Variants in ZCWPW2 observed in about 807,000 individuals in gnomAD.
The protein encoded by ZCWPW2 is zinc finger CW-type and PWWP domain containing 2.
In ZCWPW2, 45 loss-of-function variants were observed where a neutral mutation model predicts 46.6. The observed-to-expected ratio is 0.96, with a 90% CI of 0.76 to 1.24. ZCWPW2 has a LOEUF of 1.24. Among genes scored for constraint, ZCWPW2 ranks in the 50% most tolerant of loss-of-function variants. The pLI is 0.00. For synonymous variants in ZCWPW2, 152 were observed against 137.1 expected (o/e 1.11, Z -0.76); for missense variants, 429 against 403.9 (o/e 1.06, Z -0.53).
chr3:28,501,678 A>G (rs1449583560), intron 6 of ZCWPW2, among the ~76,000 whole-genome samples: 1 of 152,188 alleles, frequency 6.6e-6, no homozygotes, highest in Non-Finnish European at 1.5e-5. Flanking sequence ...CCTTACCCAG[A>G]AAGTTTCCTC....
chr3:28,488,971 G>C (rs1699703174), intron 5 of ZCWPW2, among the ~76,000 whole-genome samples: 1 of 152,120 alleles, frequency 6.6e-6, no homozygotes, highest in Non-Finnish European at 1.5e-5. Context: ...TATTACATAA[G>C]AATTTTCCTT....
chr3:28,454,294 T>C (rs1273208281), intron 4 of ZCWPW2, among the ~76,000 whole-genome samples: 2 of 152,298 alleles, frequency 1.3e-5, no homozygotes, highest in East Asian at 1.9e-4. Context: ...GCAGGACTTA[T>C]GTAGGGAGTA....
Position 28,512,965 on chromosome 3 carries a change from G to T in ZCWPW2, c.658-1099G>T, listed in dbSNP as rs373020687. ...ATCATAAATGTAGATAAAATTAGATGAATTTTTATAAAATGAGCATTCCCC... is the reference window on the plus strand; with the variant it reads ...ATCATAAATGTAGATAAAATTAGATTAATTTTTATAAAATGAGCATTCCCC... On this transcript the variant is annotated intron_variant, in intron 6 of 9. Coordinates refer to ENST00000383768, the MANE Select transcript of ZCWPW2 (RefSeq NM_001040432.4). Among the ~76,000 whole-genome samples the T allele has an allele frequency of 7.2e-5, 11 of 152,104 alleles. No homozygotes were observed. In the East Asian group the frequency reaches 1.7e-3, roughly 24 times the overall value.
chr3:28,480,943 G>T (rs1699407195), intron 5 of ZCWPW2, among the ~76,000 whole-genome samples: 1 of 143,860 alleles, frequency 7.0e-6, no homozygotes, highest in Non-Finnish European at 1.5e-5. Context: ...TCAGCTCACT[G>T]CAAGCTCCAC....
chr3:28,426,910 T>G (rs1385386847), intron 3 of ZCWPW2, among the ~76,000 whole-genome samples: 1 of 152,198 alleles, frequency 6.6e-6, no homozygotes, highest in African/African-American at 2.4e-5. Context: ...GGGGCAATAA[T>G]TGTCTTATTA....
chr3:28,504,646 C>T (rs574782104), intron 6 of ZCWPW2, among the ~76,000 whole-genome samples: 12 of 152,306 alleles, frequency 7.9e-5, no homozygotes, highest in African/African-American at 2.9e-4. Context: ...TCCCTAAAAA[C>T]AGTATGTTCT....
At chr3:28,480,637 A>T (rs13064600) in intron 5 of ZCWPW2, among the ~76,000 whole-genome samples, 55,190 of 151,922 alleles carry the variant, frequency 0.36, 10,991 homozygotes, top group East Asian at 0.62. Flanking sequence ...TGGTGTCTTC[A>T]TTGTGAAATC....
In ZCWPW2 at chr3:28,435,155, A is replaced by T. The variant is rs765480530; in HGVS notation, c.378A>T (p.Val126=). ...CTGACCGTTTTAAAGGGAAATATGT[A>T]ACTTATGACCCGGATGGAAATGTTG... is the stretch of plus-strand genomic sequence containing the variant. ...LCPDRFKGKY[V]TYDPDGNVEE... is the part of the protein sequence containing the mutation. The change falls in exon 4 of 10, where the codon GTA becomes GTT. Residue 126 remains valine, a synonymous_variant. Coordinates refer to ENST00000383768, the MANE Select transcript of ZCWPW2 (RefSeq NM_001040432.4). The T allele has an allele frequency of 2.6e-5, 42 of 1,613,154 alleles. No homozygotes were observed. The highest frequency in any genetic ancestry group is 2.7e-5 in the Non-Finnish European group (32 of 1,179,862).
intron 1 of ZCWPW2, among the ~76,000 whole-genome samples, chr3:28,352,102 C>A (rs1469999293): frequency 6.7e-6 from 1 of 149,790 alleles, no homozygotes; most frequent in African/African-American, 2.5e-5. Context: ...CCTTACCCCT[C>A]CTTTCCCTCT....
chr3:28,522,390 T>G (rs968884165), intron 9 of ZCWPW2, among the ~76,000 whole-genome samples: 1 of 152,176 alleles, frequency 6.6e-6, no homozygotes, highest in Non-Finnish European at 1.5e-5. Flanking sequence ...ATTTTCTTAC[T>G]TCATCTCTCT....
intron 4 of ZCWPW2, among the ~76,000 whole-genome samples, chr3:28,469,488 T>TA (rs1030326508): frequency 1.3e-5 from 2 of 151,864 alleles, no homozygotes; most frequent in Non-Finnish European, 2.9e-5. Flanking sequence ...ACTTCACTTA[T>TA]AAAGACACAG....
chr3:28,462,742 C>A (rs1698686385), intron 4 of ZCWPW2, among the ~76,000 whole-genome samples: 1 of 152,174 alleles, frequency 6.6e-6, no homozygotes, highest in African/African-American at 2.4e-5. Flanking sequence ...TGAATTTCTG[C>A]CAGATTGCAA....
At chr3:28,477,604 A>G (rs1699277584) in intron 4 of ZCWPW2, among the ~76,000 whole-genome samples, 1 of 152,202 alleles carries the variant, frequency 6.6e-6, no homozygotes, top group East Asian at 1.9e-4. Flanking sequence ...CACAGAGTTG[A>G]TATTAATTTG....
At chr3:28,397,070 AGTGAGACAAGAT>A (rs1695729251) in intron 2 of ZCWPW2, among the ~76,000 whole-genome samples, 1 of 151,826 alleles carries the variant, frequency 6.6e-6, no homozygotes, top group Non-Finnish European at 1.5e-5. Context: ...CAGAGGTTGC[AGTGAGACAAGAT>A]CACATCACTG....
chr3:28,452,271 A>G (rs971796083), intron 4 of ZCWPW2, among the ~76,000 whole-genome samples: 5 of 152,126 alleles, frequency 3.3e-5, no homozygotes, highest in African/African-American at 4.8e-5. Context: ...CAGATACCTC[A>G]TCTTATTTAT....
chr3:28,470,880 A>G (rs1373941469), intron 4 of ZCWPW2, among the ~76,000 whole-genome samples: 2 of 152,144 alleles, frequency 1.3e-5, no homozygotes, highest in Admixed American at 1.3e-4. Flanking sequence ...TAAGAAAAAA[A>G]GAGATAAGAC....
chr3:28,364,647 C>CT (rs879785754), intron 1 of ZCWPW2, among the ~76,000 whole-genome samples: 44 of 151,402 alleles, frequency 2.9e-4, no homozygotes, highest in East Asian at 1.9e-3. Context: ...TATGGCCATT[C>CT]TTTTTTTTTA....
At chr3:28,460,691 G>A (rs1299392276) in intron 4 of ZCWPW2, among the ~76,000 whole-genome samples, 4 of 152,134 alleles carry the variant, frequency 2.6e-5, no homozygotes, top group Non-Finnish European at 4.4e-5. Context: ...ATTTAAAGAA[G>A]ACAAGATATC....
chr3:28,380,344 A>G (rs1485345907), intron 1 of ZCWPW2, among the ~76,000 whole-genome samples: 1 of 152,046 alleles, frequency 6.6e-6, no homozygotes, highest in Non-Finnish European at 1.5e-5. Context: ...GTATGTCATA[A>G]CTTGCTCTGA....
Sources: gnomAD v4.1 joint callset for allele counts (sites outside exome capture counted in the v4.1 genomes callset) on GRCh38, gnomAD v4.1.1 for gene constraint, MANE v1.5 for transcripts, NCBI Gene and HGNC (gene_info 2026-07-23, HGNC 2026-07-21) for gene names.